IQCB1: variants seen among roughly 807,000 people sequenced by gnomAD.
IQCB1 encodes IQ motif containing B1, also known as IQ calmodulin-binding motif-containing protein 1.
In IQCB1, 56 loss-of-function variants were observed where a neutral mutation model predicts 84.4. The ratio of observed to expected loss-of-function variants is 0.66; its 90% confidence interval spans 0.54 to 0.83. IQCB1 has a LOEUF of 0.83. Among genes scored for constraint, IQCB1 ranks in the 40% least tolerant of loss-of-function variants. IQCB1 has a pLI of 0.00. For synonymous variants in IQCB1, 210 were observed against 234.8 expected, an observed-to-expected ratio of 0.89 and a Z score of 0.96; for missense variants, 629 against 682.1, an observed-to-expected ratio of 0.92 and a Z score of 0.87.
chr3:121,788,202 A>T, intron 12 of IQCB1, 82 bp downstream of exon 12: 1 of 1,354,526 alleles, frequency 7.4e-7, no homozygotes, highest in Non-Finnish European at 1.1e-6. Flanking sequence ...CCAAGGCTTT[A>T]CAACAGGTAA....
At chr3:121,772,806 C>A in intron 13 of IQCB1, 93 bp from the exon 14 acceptor site, 1 of 1,113,314 alleles carries the variant, frequency 9.0e-7, no homozygotes, top group African/African-American at 1.5e-5. Flanking sequence ...GCTTAGCTGT[C>A]TCTCATTTTA....
rs894527113 is a variant in IQCB1, at chr3:121,778,223, A to T, written c.1410+3520T>A. On this transcript the variant is annotated intron_variant, in intron 13 of 14. Coordinates refer to ENST00000310864, the MANE Select transcript of IQCB1 (RefSeq NM_001023570.4). ...AGCATCTGGCTTTGCCCACTTTTTA[A>T]TGGGGTTGTCTTTTTCTTCTTGAGT... 2.0e-5 allele frequency among the ~76,000 whole-genome samples: 3 copies of T among 152,006 alleles called. No individual in the cohort carries two copies. The East Asian group carries it at 5.8e-4, about 29-fold the overall frequency.
chr3:121,783,866 A>G (rs1363949374), intron 12 of IQCB1, among the ~76,000 whole-genome samples: 4 of 152,182 alleles, frequency 2.6e-5, no homozygotes, highest in African/African-American at 9.7e-5. Context: ...ATCTTTAATT[A>G]ATAATTTGGT....
chr3:121,797,890 C>T (rs963761267), intron 8 of IQCB1, among the ~76,000 whole-genome samples: 4 of 151,898 alleles, frequency 2.6e-5, no homozygotes, highest in East Asian at 1.9e-4. Flanking sequence ...AAAATAAATA[C>T]ATAAGGTAAA....
chr3:121,835,000 C>G lies in IQCB1; in HGVS notation c.-136G>C, dbSNP rs980878238. On this transcript the variant is annotated 5_prime_UTR_variant, in exon 1 of 15. Transcript: ENST00000310864. ...GCTTCGCGTTCTTCCACTAAAGAAC[C>G]TGGGGCTCCCACGCCGCACTACAGC... 9.0e-6 allele frequency: 4 copies of G among 446,228 alleles called. No individual in the cohort carries two copies. In the East Asian group the frequency reaches 1.3e-4, roughly 15 times the overall value. The allele number at this position is 446,228 out of a possible 1,614,324, so 27.6% of individuals were successfully genotyped here. A position where few individuals can be genotyped will look rare whatever the true frequency, so the allele number is the denominator to read the frequency against.
chr3:121,799,738 G>T (rs1387702947), intron 7 of IQCB1, among the ~76,000 whole-genome samples: 1 of 151,780 alleles, frequency 6.6e-6, no homozygotes, highest in Non-Finnish European at 1.5e-5. Flanking sequence ...ATCAAGACAG[G>T]TACACAGTTA....
chr3:121,834,353 A>C (rs1708137299), intron 2 of IQCB1, 38 bp downstream of exon 2: 1 of 152,198 alleles, frequency 6.6e-6, no homozygotes, highest in African/African-American at 2.4e-5. Context: ...GAAATTTGAC[A>C]CAAAAAGACA....
chr3:121,815,658 T>C (rs569391185), intron 5 of IQCB1, among the ~76,000 whole-genome samples: 4 of 152,096 alleles, frequency 2.6e-5, no homozygotes, highest in Non-Finnish European at 5.9e-5. Flanking sequence ...CCATTCACAA[T>C]TGCTACAAAC....
chr3:121,832,952 C>T (rs964731748), intron 2 of IQCB1, among the ~76,000 whole-genome samples: 10 of 152,180 alleles, frequency 6.6e-5, no homozygotes, highest in Non-Finnish European at 1.5e-5. Context: ...ACTATGTATA[C>T]ATACACATAC....
intron 5 of IQCB1, among the ~76,000 whole-genome samples, chr3:121,813,525 C>T (rs865880311): frequency 6.6e-6 from 1 of 152,088 alleles, no homozygotes; most frequent in African/African-American, 2.4e-5. Flanking sequence ...ATTCAGGAGA[C>T]CCATCTCACA....
chr3:121,777,356 T>C (rs1948270840), intron 13 of IQCB1, among the ~76,000 whole-genome samples: 1 of 152,226 alleles, frequency 6.6e-6, no homozygotes, highest in Non-Finnish European at 1.5e-5. Flanking sequence ...GGCTATGTGG[T>C]ATACCCTATT....
intron 5 of IQCB1, among the ~76,000 whole-genome samples, chr3:121,824,273 C>T (rs6776670): frequency 0.25 from 37,506 of 151,958 alleles, 4,971 homozygotes; most frequent in Non-Finnish European, 0.28. Context: ...TACTAAGTGA[C>T]CAACTGGCAG....
intron 5 of IQCB1, among the ~76,000 whole-genome samples, chr3:121,823,479 A>G (rs1950345563): frequency 6.6e-6 from 1 of 152,206 alleles, no homozygotes; most frequent in Non-Finnish European, 1.5e-5. Context: ...TGCAATATGT[A>G]TAGGAGAATG....
intron 5 of IQCB1, among the ~76,000 whole-genome samples, chr3:121,812,336 G>A (rs779889340): frequency 2.7e-4 from 41 of 152,160 alleles, no homozygotes; most frequent in Non-Finnish European, 4.4e-4. Context: ...CAAAAAGGCT[G>A]AACATTCCAA....
At chr3:121,783,669 G>A (rs917699693) in intron 12 of IQCB1, among the ~76,000 whole-genome samples, 2 of 151,880 alleles carry the variant, frequency 1.3e-5, no homozygotes, top group Non-Finnish European at 2.9e-5. Context: ...ATTTTCTCGA[G>A]CTTCCTGACC....
intron 13 of IQCB1, among the ~76,000 whole-genome samples, chr3:121,775,552 C>A (rs555216814): frequency 6.6e-6 from 1 of 152,122 alleles, no homozygotes; most frequent in African/African-American, 2.4e-5. Flanking sequence ...CCCAAACCAC[C>A]CATGGCACAT....
Position 121,788,361 on chromosome 3 carries a change from A to T in IQCB1, c.1201T>A (p.Tyr401Asn). The stretch of plus-strand genomic sequence containing the variant: ...TGGTGAAAATTTTTCCTTTCCCTGT[A>T]CCCTCTCCAATGTTTCTGGATAATC... ...ALIIQKHWRG[Y>N]RERKNFHQQR... Residue 401 changes from tyrosine (Y) to asparagine (N), a missense_variant, in exon 12 of 15, where the codon TAC (tyrosine) becomes AAC (asparagine). By Grantham distance (143) the Tyr-to-Asn change is moderately radical. Transcript: ENST00000310864. 6.2e-7 allele frequency: 1 copy of T among 1,613,444 alleles called. No homozygotes were observed. Among genetic ancestry groups the T allele is most frequent in the Non-Finnish European group, 8.5e-7 (1 of 1,179,662 alleles).
intron 13 of IQCB1, 90 bp downstream of exon 13, chr3:121,781,653 A>ACT: frequency 3.0e-6 from 3 of 985,794 alleles, no homozygotes; most frequent in Non-Finnish European, 4.5e-6. Context: ...ACACACACAC[A>ACT]CACACACACA....
intron 5 of IQCB1, among the ~76,000 whole-genome samples, chr3:121,823,574 GA>G (rs141485348): frequency 2.0e-5 from 3 of 151,782 alleles, no homozygotes; most frequent in African/African-American, 4.8e-5. Context: ...GCAAAAAGAG[GA>G]AAAAAAATTG....
Sources: gnomAD v4.1 joint callset for allele counts (sites outside exome capture counted in the v4.1 genomes callset) on GRCh38, gnomAD v4.1.1 for gene constraint, MANE v1.5 for transcripts, NCBI Gene and HGNC (gene_info 2026-07-23, HGNC 2026-07-21) for gene names.